Variants in RPS6KA6 observed in about 807,000 individuals in gnomAD.
RPS6KA6 encodes the protein ribosomal protein S6 kinase A6.
Under a neutral mutation model 65.4 loss-of-function variants are expected in RPS6KA6, and 27 were observed. The observed-to-expected ratio is 0.41, with a 90% confidence interval of 0.30 to 0.57. The LOEUF is 0.57. RPS6KA6 is among the 20% of genes least tolerant of loss of function. The pLI is 0.24. For synonymous variants in RPS6KA6, 190 were observed against 184.2 expected (o/e 1.03, Z -0.26); for missense variants, 486 against 555.6 (o/e 0.87, Z 1.26).
chrX:84,076,677 A>C (rs2033669788), intron 20 of RPS6KA6, among the ~76,000 whole-genome samples: 1 of 111,516 alleles, frequency 9.0e-6, no homozygotes, highest in East Asian at 2.8e-4. Context: ...TATAAAACCC[A>C]CAGCTAACAT....
At chrX:84,109,042 G>A (rs1461891365) in intron 12 of RPS6KA6, among the ~76,000 whole-genome samples, 2 of 111,543 alleles carry the variant, frequency 1.8e-5, no homozygotes, top group African/African-American at 6.5e-5. Flanking sequence ...TCCCTCAATA[G>A]CTGCGCCCAA....
chrX:84,067,509 T>C (rs920276798), intron 20 of RPS6KA6, among the ~76,000 whole-genome samples: 3 of 111,515 alleles, frequency 2.7e-5, no homozygotes, highest in African/African-American at 9.8e-5. Context: ...ATTGATCAAG[T>C]AGAAGAAATG....
intron 20 of RPS6KA6, among the ~76,000 whole-genome samples, chrX:84,090,376 T>C (rs999812132): frequency 1.3e-4 from 15 of 112,344 alleles, no homozygotes; most frequent in Non-Finnish European, 2.4e-4. Context: ...TTGAAAACTG[T>C]GGTACTACTA....
intron 12 of RPS6KA6, among the ~76,000 whole-genome samples, chrX:84,110,129 T>C (rs6622916): frequency 0.062 from 6,895 of 111,749 alleles, 230 homozygotes; most frequent in East Asian, 0.2. Flanking sequence ...GTGTCTTCTG[T>C]GGCTATCAGC....
At chrX:84,073,254 G>A (rs2033586892) in intron 20 of RPS6KA6, among the ~76,000 whole-genome samples, 1 of 111,491 alleles carries the variant, frequency 9.0e-6, no homozygotes, top group Non-Finnish European at 1.9e-5. Flanking sequence ...TTCAATAAAG[G>A]CAGCAGGAAC....
In RPS6KA6 at chrX:84,119,889, A is replaced by G. The variant is rs759574377; in HGVS notation, c.785T>C (p.Leu262Pro). 8.5e-7 allele frequency: 1 copy of G among 1,172,403 alleles called. No homozygotes were observed. The highest frequency in any genetic ancestry group is 1.1e-6 in the Non-Finnish European group (1 of 876,745). Residue 262 changes from leucine (L) to proline (P), a missense_variant, in exon 9 of 22, where the codon CTT becomes CCT. Around this residue, in one of 3 missense-constraint regions of RPS6KA6, gnomAD observed 345 missense variants for 375.0 expected, o/e 0.92. Transcript: ENST00000262752. ...AAAACAAATAATGCTACTTACCATAAGAACACCATATGACCACCAATCAGC... is the reference window on the plus strand; with the variant it reads ...AAAACAAATAATGCTACTTACCATAGGAACACCATATGACCACCAATCAGC... ...QSADWWSYGV[L>P]MFEMLTGTLP...
intron 3 of RPS6KA6, among the ~76,000 whole-genome samples, chrX:84,153,971 T>C (rs2035372079): frequency 8.9e-6 from 1 of 111,757 alleles, no homozygotes; most frequent in South Asian, 3.7e-4. Flanking sequence ...AAGCACTACA[T>C]TGACAACTTT....
At chrX:84,177,045 T>C (rs1349761574) in intron 1 of RPS6KA6, among the ~76,000 whole-genome samples, 1 of 110,895 alleles carries the variant, frequency 9.0e-6, no homozygotes, top group Admixed American at 9.7e-5. Context: ...AGCAGTACCA[T>C]CCTCTTGAGA....
intron 18 of RPS6KA6, 100 bp from the exon 19 acceptor site, chrX:84,097,948 T>C: frequency 3.3e-6 from 2 of 597,841 alleles, no homozygotes; most frequent in South Asian, 3.5e-5. Context: ...AAGTTCATAA[T>C]ATAAAAACTT....
rs754209178 is a variant in RPS6KA6 at position 84,141,346 on chromosome X, A to T, written c.501+4132T>A. Among the ~76,000 whole-genome samples, 6 of 110,224 alleles carry T rather than the reference A, an allele frequency of 5.4e-5. No individual in the cohort carries two copies. The East Asian group carries it at 1.4e-3, about 26-fold the overall frequency. On this transcript the variant is annotated intron_variant, in intron 6 of 21. Transcript: ENST00000262752. ...CTACAAATCCTAAGGTAACTATTAA[A>T]TTACACAACAAAGTGTTATGGATAA... is the stretch of plus-strand genomic sequence containing the variant.
At chrX:84,122,475 C>T (rs923248502) in intron 8 of RPS6KA6, among the ~76,000 whole-genome samples, 13 of 100,784 alleles carry the variant, frequency 1.3e-4, no homozygotes, top group South Asian at 4.7e-4. Context: ...GGATTACAGG[C>T]GCCCGCCACC....
At chrX:84,162,259 A>G (rs1307342839) in intron 2 of RPS6KA6, among the ~76,000 whole-genome samples, 1 of 111,258 alleles carries the variant, frequency 9.0e-6, no homozygotes, top group Non-Finnish European at 1.9e-5. Flanking sequence ...AAAAAAACAC[A>G]TGACAATCAC....
At chrX:84,124,006 G>A (rs1472188081) in intron 8 of RPS6KA6, among the ~76,000 whole-genome samples, 1 of 111,109 alleles carries the variant, frequency 9.0e-6, no homozygotes, top group Non-Finnish European at 1.9e-5. Flanking sequence ...GACTCCATTT[G>A]TTTGGGAGAA....
chrX:84,152,750 T>C (rs1008839346), intron 3 of RPS6KA6, among the ~76,000 whole-genome samples: 4 of 111,461 alleles, frequency 3.6e-5, no homozygotes, highest in African/African-American at 1.3e-4. Context: ...AAGAAATAGA[T>C]ACAAGTACGC....
intron 6 of RPS6KA6, among the ~76,000 whole-genome samples, chrX:84,140,744 A>C (rs1382170275): frequency 1.0e-5 from 1 of 97,651 alleles, no homozygotes; most frequent in Non-Finnish European, 2.1e-5. Context: ...AAAAAAAAAA[A>C]AAAAAAAAAC....
chrX:84,073,961 G>A (rs1346459810), intron 20 of RPS6KA6, among the ~76,000 whole-genome samples: 2 of 111,138 alleles, frequency 1.8e-5, no homozygotes, highest in East Asian at 5.7e-4. Flanking sequence ...AAAACTGCAT[G>A]GCATTTCCTC....
rs927566155 is a variant in RPS6KA6, at chrX:84,060,689, A to G, written c.*3588T>C. 2 of 111,272 alleles carry G rather than the reference A, an allele frequency of 1.8e-5. No individual in the cohort carries two copies. Among genetic ancestry groups the G allele is most frequent in the Admixed American group, 1.9e-4 (2 of 10,406 alleles). The allele number at this position is 111,272 out of a possible 1,213,427, so 9.2% of individuals were successfully genotyped here. Reference sequence around the variant, plus strand: ...ATTGAGAAGTAGAAAGGAAGTAGGAAGGAAATTGTGCAAAAAAAGAAACAG... The same window carrying G: ...ATTGAGAAGTAGAAAGGAAGTAGGAGGGAAATTGTGCAAAAAAAGAAACAG... On this transcript the variant is annotated 3_prime_UTR_variant, in exon 22 of 22. Coordinates refer to ENST00000262752, the MANE Select transcript of RPS6KA6 (RefSeq NM_014496.5).
chrX:84,084,096 T>C (rs950115577), intron 20 of RPS6KA6, among the ~76,000 whole-genome samples: 23 of 112,560 alleles, frequency 2.0e-4, no homozygotes, highest in African/African-American at 5.5e-4. Flanking sequence ...TCCTTGCAGA[T>C]TGTAAATACT....
intron 1 of RPS6KA6, among the ~76,000 whole-genome samples, chrX:84,183,544 C>T (rs377414413): frequency 1.8e-5 from 2 of 111,620 alleles, no homozygotes; most frequent in East Asian, 5.6e-4. Flanking sequence ...CTTAAACTGG[C>T]TTAAAAAGTC....
Sources: gnomAD v4.1 joint callset for allele counts (sites outside exome capture counted in the v4.1 genomes callset) on GRCh38, gnomAD v4.1.1 for gene constraint, gnomAD v4.1.1 regional missense constraint, MANE v1.5 for transcripts, NCBI Gene and HGNC (gene_info 2026-07-23, HGNC 2026-07-21) for gene names.